The following ECM1 variants were observed in gnomAD, a reference collection of about 807,000 sequenced individuals.
ECM1 encodes extracellular matrix protein 1.
A neutral mutation model predicts 57.9 loss-of-function variants in ECM1; 54 were observed. The observed-to-expected ratio is 0.93, with a 90% confidence interval of 0.75 to 1.17. The LOEUF (loss-of-function observed/expected upper bound fraction) is 1.17. Ranked by LOEUF, ECM1 falls within the 50% of genes most tolerant of loss-of-function variation. The pLI is 0.00. For synonymous variants in ECM1, 237 were observed against 259.1 expected (o/e 0.91, Z 0.82); for missense variants, 649 against 688.1 (o/e 0.94, Z 0.64).
chr1:150,512,553 C>G lies in ECM1; in HGVS notation c.1285C>G (p.Gln429Glu). The G allele has an allele frequency of 6.2e-7, 1 of 1,613,590 alleles. No individual in the cohort carries two copies. The highest frequency in any genetic ancestry group is 1.3e-5 in the African/African-American group (1 of 74,636). ...CCTCATGGGCCACCTCTGTGGAAAC[C>G]AAAGAGTTCTCACCAAGCAGTAAGT... ...PNLMGHLCGN[Q>E]RVLTKHKHIP... is the part of the protein sequence containing the mutation. The change falls in exon 8 of 10, where the codon CAA becomes GAA. Residue 429 changes from glutamine to glutamate, a missense_variant. Gln to Glu is a conservative substitution (Grantham distance 29, BLOSUM62 2). Transcript: ENST00000369047.
Position 150,511,620 on chromosome 1 carries a change from T to C in ECM1, c.872T>C (p.Ile291Thr), listed in dbSNP as rs1236127573. Reference sequence around the variant, plus strand: ...GCCTGCCCCAGCCATCAGCCTGATATTTCCTCGGGTCTTGAGCTGCCTTTC... The same window carrying C: ...GCCTGCCCCAGCCATCAGCCTGATACTTCCTCGGGTCTTGAGCTGCCTTTC... ...LRACPSHQPD[I>T]SSGLELPFPP... The change falls in exon 7 of 10, where the codon ATT (isoleucine) becomes ACT (threonine). Residue 291 changes from isoleucine to threonine, a missense_variant. Physicochemically the swap from Ile to Thr is moderately conservative, Grantham distance 89. Coordinates refer to ENST00000369047, the MANE Select transcript of ECM1 (RefSeq NM_004425.4). 1.2e-6 allele frequency: 2 copies of C among 1,614,124 alleles called. No individual in the cohort carries two copies. Among genetic ancestry groups the C allele is most frequent in the Non-Finnish European group, 8.5e-7 (1 of 1,180,002 alleles).
chr1:150,510,663 G>T (rs894587399), intron 5 of ECM1: 4 of 634,700 alleles, frequency 6.3e-6, no homozygotes, highest in Admixed American at 2.5e-5. Flanking sequence ...AGGAGGAGGT[G>T]GGGGCAGGCT....
chr1:150,511,927 T>C (rs1670456779), intron 7 of ECM1, 96 bp downstream of exon 7: 1 of 1,157,476 alleles, frequency 8.6e-7, no homozygotes, highest in Admixed American at 2.7e-5. Flanking sequence ...GTACCCCCCC[T>C]GCTGTGAGTG....
chr1:150,508,141 C>A lies in ECM1; in HGVS notation c.-69C>A. ...ACAGCCACCAGACAAGCTTCAGTGG[C>A]CGGCCCTTCACATCCAGACTTGCCT... On this transcript the variant is annotated 5_prime_UTR_variant, in exon 1 of 10. Transcript: ENST00000369047. The A allele has an allele frequency of 1.4e-6, 2 of 1,463,838 alleles. No homozygotes were observed. The highest frequency in any genetic ancestry group is 1.9e-6 in the Non-Finnish European group (2 of 1,044,244). The allele number at this position is 1,463,838 out of a possible 1,614,324, so 90.7% of individuals were successfully genotyped here.
At chr1:150,510,666 G>A (rs1221523151) in intron 5 of ECM1, 2 of 640,164 alleles carry the variant, frequency 3.1e-6, no homozygotes, top group Non-Finnish European at 5.5e-6. Flanking sequence ...AGGAGGTGGG[G>A]GCAGGCTGTG....
In ECM1 at chr1:150,511,558, C is replaced by T; in HGVS notation, c.810C>T (p.Phe270=). 6.2e-7 allele frequency: 1 copy of T among 1,614,150 alleles called. No homozygotes were observed. The highest frequency in any genetic ancestry group is 8.5e-7 in the Non-Finnish European group (1 of 1,179,998). Residue 270 remains phenylalanine (F), a synonymous_variant, in exon 7 of 10, where the codon TTC becomes TTT. Coordinates refer to ENST00000369047, the MANE Select transcript of ECM1 (RefSeq NM_004425.4). ...TRQGEARFSC[F]QEEAPQPHYQ... is the part of the protein sequence containing the mutation. ...AGGGGGAGGCTCGGTTCTCCTGCTT[C>T]CAGGAGGAAGCTCCCCAGCCACACT...
Position 150,513,574 on chromosome 1 carries a change from T to C in ECM1, c.*107T>C, listed in dbSNP as rs1489665054. The C allele has an allele frequency of 6.4e-6, 7 of 1,092,496 alleles. No individual in the cohort carries two copies. Among genetic ancestry groups the C allele is most frequent in the African/African-American group, 1.6e-5 (1 of 63,276 alleles). 67.7% of individuals were successfully genotyped at this position (1,092,496 alleles called of 1,614,324 possible). ...TCTTGGATTTGGTGTCCTCATTGTC[T>C]ATCTAATGTCTCACCCGCAGTGTTT... On this transcript the variant is annotated 3_prime_UTR_variant, in exon 10 of 10. Coordinates refer to ENST00000369047, the MANE Select transcript of ECM1 (RefSeq NM_004425.4).
At position 150,513,270 on chromosome 1, in the gene ECM1, C is replaced by T. The variant is rs201884523; in HGVS notation, c.1426C>T (p.Arg476Ter). The T allele has an allele frequency of 4.3e-5, 69 of 1,614,090 alleles. No individual in the cohort carries two copies. Among genetic ancestry groups the T allele is most frequent in the Non-Finnish European group, 4.4e-5 (52 of 1,180,040 alleles). Reference protein sequence around the residue: ...LTFINDLCGPRRNIWRDPALC... With the variant: ...LTFINDLCGP ...CTTCATCAATGATCTGTGTGGTCCC[C>T]GACGTAACATCTGGCGAGACCCTGC... Residue 476 changes from arginine to a stop codon, truncating the protein, a stop_gained, in exon 10 of 10, where the codon CGA (arginine) becomes TGA (stop). Transcript: ENST00000369047. LOFTEE classifies it high-confidence loss of function.
Position 150,509,596 on chromosome 1 carries a change from G to C in ECM1, c.121+15G>C. ...CTTTCAAGAAGGTAAGAGTTTGGGG[G>C]AGCAGCATGGGATTGGGACTCCAGG... On this transcript the variant is annotated intron_variant, in intron 2 of 9. Coordinates refer to ENST00000369047, the MANE Select transcript of ECM1 (RefSeq NM_004425.4). The C allele has an allele frequency of 3.1e-6, 5 of 1,614,094 alleles. No homozygotes were observed. Among genetic ancestry groups the C allele is most frequent in the Non-Finnish European group, 4.2e-6 (5 of 1,180,000 alleles).
chr1:150,511,257 T>G (rs1342106421), intron 6 of ECM1, 59 bp downstream of exon 6: 2 of 1,608,270 alleles, frequency 1.2e-6, no homozygotes, highest in Non-Finnish European at 1.7e-6. Context: ...TATGTGTGTT[T>G]TAAGGGTTAG....
chr1:150,512,930 T>A, intron 9 of ECM1, 118 bp downstream of exon 9: 3 of 1,164,162 alleles, frequency 2.6e-6, no homozygotes, highest in Non-Finnish European at 3.8e-6. Flanking sequence ...TAATGACTAG[T>A]GGGGGAGGTG....
At position 150,513,298 on chromosome 1, in the gene ECM1, T is replaced by C; in HGVS notation, c.1454T>C (p.Leu485Pro). The change falls in exon 10 of 10, where the codon CTC (leucine) becomes CCC (proline). Residue 485 changes from leucine to proline, a missense_variant. Transcript: ENST00000369047. ...PRRNIWRDPA[L>P]CCYLSPGDEQ... ...CGTAACATCTGGCGAGACCCTGCCC[T>C]CTGCTGTTACCTGAGTCCTGGGGAT... The C allele has an allele frequency of 6.2e-7, 1 of 1,614,260 alleles. No homozygotes were observed. The highest frequency in any genetic ancestry group is 2.2e-5 in the East Asian group (1 of 44,886).
Position 150,513,438 on chromosome 1 carries a change from A to G in ECM1, c.1594A>G (p.Ser532Gly). 1 of 1,613,594 alleles carries G rather than the reference A, an allele frequency of 6.2e-7. No individual in the cohort carries two copies. Among genetic ancestry groups the G allele is most frequent in the Non-Finnish European group, 8.5e-7 (1 of 1,179,888 alleles). ...EQGSTGGTNISSTSEPKEE is the reference protein window; with the variant it reads ...EQGSTGGTNIGSTSEPKEE ...GGGCTCAACTGGAGGAACAAATATC[A>G]GCTCCACCTCTGAGCCCAAGGAAGA... is the stretch of plus-strand genomic sequence containing the variant. Residue 532 changes from serine to glycine, a missense_variant, in exon 10 of 10, where the codon AGC becomes GGC. By Grantham distance (56) the Ser-to-Gly change is moderately conservative. Coordinates refer to ENST00000369047, the MANE Select transcript of ECM1 (RefSeq NM_004425.4).
In ECM1 at chr1:150,512,412, T is replaced by C. The variant is rs375471875; in HGVS notation, c.1144T>C (p.Leu382=). 5 of 1,613,426 alleles carry C rather than the reference T, an allele frequency of 3.1e-6. No homozygotes were observed. Among genetic ancestry groups the C allele is most frequent in the South Asian group, 2.2e-5 (2 of 91,002 alleles). Residue 382 remains leucine (L), a synonymous_variant, in exon 8 of 10, where the codon TTG becomes CTG. Transcript: ENST00000369047. ...GTATGCTGTGAAGACCCACCACCAC[T>C]TGTGTTGCCGCCACCCTCCCAGCCC... ...REYAVKTHHH[L]CCRHPPSPTR... is the part of the protein sequence containing the mutation.
chr1:150,509,161 C>T (rs374044913), intron 1 of ECM1: 38 of 351,234 alleles, frequency 1.1e-4, no homozygotes, highest in African/African-American at 6.5e-4. Flanking sequence ...AGACTTTTTC[C>T]TCTGAAAGCT....
rs1005805742 is a variant in ECM1 at position 150,511,843 on chromosome 1, T to C, written c.1083+12T>C. On this transcript the variant is annotated intron_variant, in intron 7 of 9. Transcript: ENST00000369047. ...GTACATGGAAGGCCGTAAGTGGGCG[T>C]CCCAGCCTCCCTGAGAGCCTGTTTG... The C allele has an allele frequency of 3.1e-6, 5 of 1,590,466 alleles. No homozygotes were observed. The highest frequency in any genetic ancestry group is 2.6e-6 in the Non-Finnish European group (3 of 1,167,164).
At position 150,513,573 on chromosome 1, in the gene ECM1, C is replaced by T. The variant is rs1024015982; in HGVS notation, c.*106C>T. 5.5e-6 allele frequency: 6 copies of T among 1,092,928 alleles called. No individual in the cohort carries two copies. In the African/African-American group the frequency reaches 9.6e-5, roughly 17 times the overall value. 67.7% of individuals were successfully genotyped at this position (1,092,928 alleles called of 1,614,324 possible). ...CTCTTGGATTTGGTGTCCTCATTGT[C>T]TATCTAATGTCTCACCCGCAGTGTT... On this transcript the variant is annotated 3_prime_UTR_variant, in exon 10 of 10. Transcript: ENST00000369047.
At chr1:150,510,028 C>T (rs1452954104) in intron 4 of ECM1, 26 bp downstream of exon 4, 11 of 1,614,070 alleles carry the variant, frequency 6.8e-6, no homozygotes, top group Non-Finnish European at 8.5e-6. Flanking sequence ...CCCTCCCTCA[C>T]CTCTATCCCA....
rs1275486689 is a variant in ECM1, at chr1:150,511,090, C to T, written c.600C>T (p.Tyr200=). 7 of 1,614,238 alleles carry T rather than the reference C, an allele frequency of 4.3e-6. No individual in the cohort carries two copies. Among genetic ancestry groups the T allele is most frequent in the Non-Finnish European group, 5.9e-6 (7 of 1,180,052 alleles). ...CCTGGAACCTACCACAGTCCAGCTA[C>T]TCCCACCTCACTCGCCAGGGTGAGA... ...YGPWNLPQSS[Y]SHLTRQGETL... Residue 200 remains tyrosine, a synonymous_variant, in exon 6 of 10, where the codon TAC becomes TAT. Transcript: ENST00000369047.
Sources: allele counts gnomAD v4.1 joint callset, GRCh38; gene constraint gnomAD v4.1.1; transcripts MANE v1.5; gene names NCBI Gene and HGNC (gene_info 2026-07-23, HGNC 2026-07-21).